UBE2E2: variants seen among roughly 807,000 people sequenced by gnomAD.
The protein encoded by UBE2E2 is ubiquitin conjugating enzyme E2 E2, also known as ubiquitin-conjugating enzyme E2 E2.
A neutral mutation model predicts 24.7 loss-of-function variants in UBE2E2; 6 were observed. The observed-to-expected ratio is 0.24, with a 90% CI of 0.13 to 0.48. The LOEUF (loss-of-function observed/expected upper bound fraction) is 0.48. Ranked by LOEUF, UBE2E2 falls within the 20% of genes least tolerant of loss-of-function variation. The pLI is 0.99. For missense variants in UBE2E2, 169 were observed against 245.0 expected (o/e 0.69, Z 2.07); for synonymous variants, 104 against 83.6 (o/e 1.24, Z -1.33).
At chr3:23,297,630 T>C (rs1198725250) in intron 3 of UBE2E2, among the ~76,000 whole-genome samples, 3 of 152,144 alleles carry the variant, frequency 2.0e-5, no homozygotes, top group Admixed American at 6.5e-5. Flanking sequence ...GGCTCTGTTC[T>C]GTTCCATTGG....
chr3:23,585,596 C>G (rs754046348), intron 5 of UBE2E2, among the ~76,000 whole-genome samples: 3 of 152,070 alleles, frequency 2.0e-5, no homozygotes, highest in Non-Finnish European at 1.5e-5. Context: ...TGAACATGCT[C>G]CTCTTTTCAA....
chr3:23,581,757 C>A (rs981490694), intron 5 of UBE2E2, among the ~76,000 whole-genome samples: 2 of 152,116 alleles, frequency 1.3e-5, no homozygotes, highest in South Asian at 2.1e-4. Context: ...AAAAATTTTT[C>A]GTGTAATTTC....
At chr3:23,380,252 C>T (rs1353795442) in intron 3 of UBE2E2, among the ~76,000 whole-genome samples, 2 of 152,128 alleles carry the variant, frequency 1.3e-5, no homozygotes, top group African/African-American at 2.4e-5. Context: ...CAGGGTCTTG[C>T]TCTGTCACTC....
At chr3:23,560,632 G>A (rs1269861100) in intron 5 of UBE2E2, among the ~76,000 whole-genome samples, 2 of 151,972 alleles carry the variant, frequency 1.3e-5, no homozygotes, top group African/African-American at 4.8e-5. Flanking sequence ...GATCCTTGAG[G>A]AATCGCCACA....
At chr3:23,541,159 A>G (rs1695388073) in intron 5 of UBE2E2, among the ~76,000 whole-genome samples, 2 of 152,188 alleles carry the variant, frequency 1.3e-5, no homozygotes, top group South Asian at 4.1e-4. Flanking sequence ...ATCTTGGGAG[A>G]AATGTTGTAA....
intron 3 of UBE2E2, among the ~76,000 whole-genome samples, chr3:23,412,962 AAAG>A (rs919289816): frequency 1.3e-5 from 2 of 151,182 alleles, no homozygotes; most frequent in African/African-American, 4.9e-5. Flanking sequence ...CTGACAACCT[AAAG>A]AAGTATTGTG....
intron 3 of UBE2E2, among the ~76,000 whole-genome samples, chr3:23,268,438 A>G (rs1389653240): frequency 6.6e-6 from 1 of 152,114 alleles, no homozygotes; most frequent in Admixed American, 6.5e-5. Flanking sequence ...ATCATGAGTG[A>G]ACTCCCATTC....
chr3:23,462,089 A>T (rs777094651), intron 3 of UBE2E2, among the ~76,000 whole-genome samples: 1 of 152,166 alleles, frequency 6.6e-6, no homozygotes, highest in Non-Finnish European at 1.5e-5. Context: ...TATAAGGTTA[A>T]TATCATTCAG....
At chr3:23,454,270 G>A (rs981697594) in intron 3 of UBE2E2, among the ~76,000 whole-genome samples, 1 of 152,050 alleles carries the variant, frequency 6.6e-6, no homozygotes, top group Admixed American at 6.5e-5. Flanking sequence ...GTGTTTATTA[G>A]TTATTAACTT....
intron 3 of UBE2E2, among the ~76,000 whole-genome samples, chr3:23,323,909 A>G (rs573291335): frequency 9.3e-4 from 141 of 152,270 alleles, no homozygotes; most frequent in African/African-American, 3.2e-3. Flanking sequence ...CTCCTTGAAG[A>G]CAAAAGTTGT....
At chr3:23,497,987 G>T (rs908961493) in intron 3 of UBE2E2, among the ~76,000 whole-genome samples, 58 of 152,204 alleles carry the variant, frequency 3.8e-4, no homozygotes, top group African/African-American at 1.3e-3. Flanking sequence ...TTTGCATTTT[G>T]TAAAATAATA....
At chr3:23,522,286 A>G (rs957991897) in intron 4 of UBE2E2, among the ~76,000 whole-genome samples, 8 of 151,844 alleles carry the variant, frequency 5.3e-5, no homozygotes, top group African/African-American at 1.9e-4. Context: ...GCCCGCCACC[A>G]CGCCCGGCTA....
chr3:23,532,701 G>A lies in UBE2E2; in HGVS notation c.508G>A (p.Ala170Thr), dbSNP rs777282521. The change falls in exon 5 of 6, where the codon GCT becomes ACT. Residue 170 changes from alanine (A) to threonine (T), a missense_variant and splice_region_variant. This residue lies in a region of UBE2E2 where 105 missense variants were observed against 180.7 expected (regional missense o/e 0.58). Transcript: ENST00000396703. ...ICSLLTDCNPADPLVGSIATQ... is the reference protein window; with the variant it reads ...ICSLLTDCNPTDPLVGSIATQ... ...CTCACTTCTTACAGATTGCAACCCT[G>A]GTAAGAGACTTTAAATCTAGTATGA... The A allele has an allele frequency of 5.3e-6, 8 of 1,515,864 alleles. No homozygotes were observed. The highest frequency in any genetic ancestry group is 6.3e-6 in the Non-Finnish European group (7 of 1,113,236). 93.9% of individuals were successfully genotyped at this position (1,515,864 alleles called of 1,614,324 possible). A position where few individuals can be genotyped will look rare whatever the true frequency, so the allele number is the denominator to read the frequency against.
intron 3 of UBE2E2, among the ~76,000 whole-genome samples, chr3:23,400,991 A>T (rs1191976529): frequency 6.6e-6 from 1 of 152,242 alleles, no homozygotes; most frequent in African/African-American, 2.4e-5. Flanking sequence ...TGTGCTCTGT[A>T]GATAATTAAA....
intron 3 of UBE2E2, among the ~76,000 whole-genome samples, chr3:23,385,666 G>C (rs1354850042): frequency 1.3e-5 from 2 of 152,186 alleles, no homozygotes; most frequent in African/African-American, 4.8e-5. Context: ...GTTTTGATCA[G>C]CTTCTTGAGG....
intron 5 of UBE2E2, among the ~76,000 whole-genome samples, chr3:23,581,926 T>C (rs1696486685): frequency 6.6e-6 from 1 of 152,144 alleles, no homozygotes; most frequent in Admixed American, 6.5e-5. Context: ...GGATTTTTTG[T>C]TTTAGTTTCA....
At position 23,336,876 on chromosome 3, in the gene UBE2E2, A is replaced by G. The variant is rs114401821; in HGVS notation, c.227+119564A>G. On this transcript the variant is annotated intron_variant, in intron 3 of 5. Transcript: ENST00000396703. ...GCTGATTGGCCGGGTGCGGTGTTGC[A>G]TGCCTGTAATCCCAGCACTTTGGGA... 7.2e-3 allele frequency among the ~76,000 whole-genome samples: 1,094 copies of G among 152,254 alleles called. 10 individuals carry two copies. Among genetic ancestry groups the G allele is most frequent in the African/African-American group, 0.019 (781 of 41,554 alleles).
intron 3 of UBE2E2, among the ~76,000 whole-genome samples, chr3:23,419,159 T>G (rs1321813819): frequency 6.6e-6 from 1 of 152,034 alleles, no homozygotes; most frequent in East Asian, 1.9e-4. Context: ...GATGTGAGGT[T>G]TTGCTGTGTT....
intron 3 of UBE2E2, among the ~76,000 whole-genome samples, chr3:23,415,897 C>A (rs948893126): frequency 1.3e-5 from 2 of 152,060 alleles, no homozygotes; most frequent in African/African-American, 4.8e-5. Flanking sequence ...CTCCCCTAGC[C>A]TCCCAGCCCC....
Sources: allele counts gnomAD v4.1 joint callset (sites outside exome capture counted in the v4.1 genomes callset), GRCh38; gene constraint gnomAD v4.1.1; regional missense constraint gnomAD v4.1.1; transcripts MANE v1.5; gene names NCBI Gene and HGNC (gene_info 2026-07-23, HGNC 2026-07-21).